The following DSCAM variants were observed in gnomAD, a reference collection of about 807,000 sequenced individuals.
DSCAM encodes DS cell adhesion molecule, also known as cell adhesion molecule DSCAM.
Under a neutral mutation model 217.7 loss-of-function variants are expected in DSCAM, and 47 were observed. The observed-to-expected ratio is 0.22, with a 90% CI of 0.17 to 0.28. The LOEUF (loss-of-function observed/expected upper bound fraction) is 0.28. Among genes scored for constraint, DSCAM ranks in the 10% least tolerant of loss-of-function variants. The pLI is 1.00. For synonymous variants in DSCAM, 1,056 were observed against 1,015.3 expected (o/e 1.04, Z -0.76); for missense variants, 2,080 against 2,618.3 (o/e 0.79, Z 4.49).
intron 1 of DSCAM, among the ~76,000 whole-genome samples, chr21:40,765,470 G>A (rs1489117300): frequency 3.9e-5 from 6 of 152,028 alleles, no homozygotes; most frequent in Admixed American, 3.3e-4. Context: ...TATTCTCTGG[G>A]GTATCTATGA....
intron 3 of DSCAM, among the ~76,000 whole-genome samples, chr21:40,437,036 C>T (rs1339361830): frequency 6.6e-6 from 1 of 152,122 alleles, no homozygotes; most frequent in East Asian, 1.9e-4. Flanking sequence ...TGCCACATAC[C>T]TATAATCAGA....
chr21:40,489,647 C>T (rs1297592362), intron 3 of DSCAM, among the ~76,000 whole-genome samples: 1 of 150,978 alleles, frequency 6.6e-6, no homozygotes, highest in African/African-American at 2.4e-5. Context: ...TAGTGGCAGG[C>T]GCCTGTAGTC....
At chr21:40,230,123 A>G (rs1489541366) in intron 11 of DSCAM, among the ~76,000 whole-genome samples, 1 of 152,212 alleles carries the variant, frequency 6.6e-6, no homozygotes, top group Non-Finnish European at 1.5e-5. Context: ...TTGTCATCAT[A>G]TGTTCATAAG....
intron 3 of DSCAM, among the ~76,000 whole-genome samples, chr21:40,515,749 G>T (rs1037244306): frequency 1.3e-5 from 2 of 151,984 alleles, no homozygotes; most frequent in East Asian, 1.9e-4. Flanking sequence ...CACACTCAGC[G>T]CACTCGTAGG....
At chr21:40,392,318 A>G (rs912881350) in intron 3 of DSCAM, among the ~76,000 whole-genome samples, 1 of 152,170 alleles carries the variant, frequency 6.6e-6, no homozygotes, top group Non-Finnish European at 1.5e-5. Context: ...GTGTTTGATA[A>G]ATATTTGGAA....
chr21:40,674,108 C>A (rs999510066), intron 3 of DSCAM, among the ~76,000 whole-genome samples: 6 of 152,176 alleles, frequency 3.9e-5, no homozygotes, highest in Non-Finnish European at 7.3e-5. Context: ...GAACCAGAAT[C>A]CACATAATCT....
chr21:40,445,344 A>G (rs2075665907), intron 3 of DSCAM, among the ~76,000 whole-genome samples: 1 of 152,220 alleles, frequency 6.6e-6, no homozygotes, highest in Admixed American at 6.5e-5. Context: ...CTCTGGGATA[A>G]TGCAACATTG....
intron 3 of DSCAM, among the ~76,000 whole-genome samples, chr21:40,436,587 C>G (rs1052101977): frequency 6.6e-6 from 1 of 152,162 alleles, no homozygotes; most frequent in Non-Finnish European, 1.5e-5. Flanking sequence ...TGACAGAAAA[C>G]AGACAACAGG....
At chr21:40,049,008 G>A (rs1042905881) in intron 30 of DSCAM, among the ~76,000 whole-genome samples, 1 of 152,186 alleles carries the variant, frequency 6.6e-6, no homozygotes, top group African/African-American at 2.4e-5. Context: ...CTAATACAGA[G>A]GGTTCTGCAA....
At chr21:40,553,516 T>C (rs1184327712) in intron 3 of DSCAM, among the ~76,000 whole-genome samples, 1 of 152,262 alleles carries the variant, frequency 6.6e-6, no homozygotes, top group Non-Finnish European at 1.5e-5. Flanking sequence ...CATTACAATG[T>C]ATAATGTAAG....
intron 1 of DSCAM, among the ~76,000 whole-genome samples, chr21:40,785,969 G>T (rs905842877): frequency 2.0e-5 from 3 of 152,204 alleles, no homozygotes; most frequent in Non-Finnish European, 4.4e-5. Flanking sequence ...GGACACAGTG[G>T]CTCATGCCTG....
chr21:40,167,235 T>G lies in DSCAM; in HGVS notation c.3001A>C (p.Ile1001Leu). The change falls in exon 16 of 33, where the codon ATC becomes CTC. Residue 1001 changes from isoleucine (I) to leucine (L), a missense_variant. Transcript: ENST00000400454. The part of the protein sequence containing the change: ...VHLEPISSQS[I>L]RVTWKAPKKH... ...GAGTTTACCTTCCATGTGACCCTGA[T>G]GCTCTGAGATGATATAGGCTCCAGG... The G allele has an allele frequency of 6.2e-7, 1 of 1,613,076 alleles. No homozygotes were observed.
At chr21:40,726,880 T>C (rs1326995481) in intron 1 of DSCAM, among the ~76,000 whole-genome samples, 2 of 152,082 alleles carry the variant, frequency 1.3e-5, no homozygotes, top group Non-Finnish European at 2.9e-5. Context: ...GTGGGTGGGT[T>C]GTCATGGAAG....
intron 3 of DSCAM, among the ~76,000 whole-genome samples, chr21:40,428,586 T>C (rs921463939): frequency 3.3e-5 from 5 of 152,122 alleles, no homozygotes; most frequent in Non-Finnish European, 7.4e-5. Context: ...ACTATTTTAT[T>C]ATCAATTGTT....
At chr21:40,437,012 A>T (rs2075589229) in intron 3 of DSCAM, among the ~76,000 whole-genome samples, 1 of 152,224 alleles carries the variant, frequency 6.6e-6, no homozygotes, top group South Asian at 2.1e-4. Flanking sequence ...AGTGTGTTAC[A>T]CTTACTGCAG....
chr21:40,839,992 T>C (rs890845768), intron 1 of DSCAM, among the ~76,000 whole-genome samples: 12 of 152,188 alleles, frequency 7.9e-5, no homozygotes, highest in African/African-American at 2.2e-4. Flanking sequence ...TCCAGGGGGC[T>C]TCAAGATCAA....
intron 3 of DSCAM, among the ~76,000 whole-genome samples, chr21:40,398,472 G>A (rs917626161): frequency 6.6e-6 from 1 of 151,990 alleles, no homozygotes; most frequent in Non-Finnish European, 1.5e-5. Context: ...TAACTTGCTT[G>A]CTGTCACACA....
chr21:40,185,726 A>G (rs1440047836), intron 14 of DSCAM, among the ~76,000 whole-genome samples: 1 of 150,978 alleles, frequency 6.6e-6, no homozygotes, highest in Non-Finnish European at 1.5e-5. Flanking sequence ...ACCTGTATAC[A>G]TGAACTTGTA....
intron 1 of DSCAM, among the ~76,000 whole-genome samples, chr21:40,718,252 T>C (rs1235233259): frequency 6.6e-6 from 1 of 152,146 alleles, no homozygotes; most frequent in Non-Finnish European, 1.5e-5. Context: ...AAATTGGAAA[T>C]AGGAGTCCAA....
Sources: gnomAD v4.1 joint callset for allele counts (sites outside exome capture counted in the v4.1 genomes callset) on GRCh38, gnomAD v4.1.1 for gene constraint, MANE v1.5 for transcripts, NCBI Gene and HGNC (gene_info 2026-07-23, HGNC 2026-07-21) for gene names.